The following SIDT1 variants were observed in gnomAD, a reference collection of about 807,000 sequenced individuals.
SIDT1 encodes SID1 transmembrane family member 1.
Under a neutral mutation model 107.5 loss-of-function variants are expected in SIDT1, and 101 were observed. The ratio of observed to expected loss-of-function variants is 0.94; its 90% CI spans 0.80 to 1.11. The LOEUF is 1.11. SIDT1 is among the 50% of genes least tolerant of loss of function. SIDT1 has a pLI of 0.00. For missense variants in SIDT1, 1,076 were observed against 1,058.2 expected (o/e 1.02, Z -0.23); for synonymous variants, 395 against 398.2 (o/e 0.99, Z 0.10).
intron 1 of SIDT1, among the ~76,000 whole-genome samples, chr3:113,551,270 G>T (rs1940197670): frequency 6.6e-6 from 1 of 152,152 alleles, no homozygotes. Context: ...ATTCCTTTGG[G>T]CATATACCCA....
Position 113,593,104 on chromosome 3 carries a change from C to T in SIDT1, c.1045+56C>T, listed in dbSNP as rs888348643. On this transcript the variant is annotated intron_variant, in intron 10 of 24. Coordinates refer to ENST00000264852, the MANE Select transcript of SIDT1 (RefSeq NM_017699.3). Reference sequence around the variant, plus strand: ...TGGTGTCGCATAGTGTGGCAACATCCCATTTCATGCTTCTTTTACCTCTCT... The same window carrying T: ...TGGTGTCGCATAGTGTGGCAACATCTCATTTCATGCTTCTTTTACCTCTCT... 6 of 1,367,338 alleles carry T rather than the reference C, an allele frequency of 4.4e-6. No homozygotes were observed. In the African/African-American group the frequency reaches 8.6e-5, roughly 20 times the overall value. The allele number at this position is 1,367,338 out of a possible 1,614,324, so 84.7% of individuals were successfully genotyped here. A position where few individuals can be genotyped will look rare whatever the true frequency, so the allele number is the denominator to read the frequency against.
At position 113,583,551 on chromosome 3, in the gene SIDT1, G is replaced by A; in HGVS notation, c.835+55G>A. 2.9e-6 allele frequency: 4 copies of A among 1,357,138 alleles called. No homozygotes were observed. The South Asian group carries it at 4.4e-5, about 15-fold the overall frequency. 84.1% of individuals were successfully genotyped at this position (1,357,138 alleles called of 1,614,324 possible). A position where few individuals can be genotyped will look rare whatever the true frequency, so the allele number is the denominator to read the frequency against. ...TTAGCAAAACCTGAAGGAAGGGAGT[G>A]AAAGGGAAGCTGAAACCTCCTTTCT... On this transcript the variant is annotated intron_variant, in intron 7 of 24. Transcript: ENST00000264852.
rs1945806266 is a variant in SIDT1 at position 113,612,204 on chromosome 3, C to G, written c.1966+10C>G. ...GGTCGTTTCAAGATAGGTGAGTCACCTGTTAATTCTATACTAATCACACGA... is the reference window on the plus strand; with the variant it reads ...GGTCGTTTCAAGATAGGTGAGTCACGTGTTAATTCTATACTAATCACACGA... On this transcript the variant is annotated intron_variant, in intron 19 of 24. Coordinates refer to ENST00000264852, the MANE Select transcript of SIDT1 (RefSeq NM_017699.3). 6.4e-7 allele frequency: 1 copy of G among 1,555,326 alleles called. No homozygotes were observed. The highest frequency in any genetic ancestry group is 1.4e-5 in the African/African-American group (1 of 73,776).
In SIDT1 at chr3:113,552,689, G is replaced by A. The variant is rs367785758; in HGVS notation, c.223-13731G>A. On this transcript the variant is annotated intron_variant, in intron 1 of 24. Coordinates refer to ENST00000264852, the MANE Select transcript of SIDT1 (RefSeq NM_017699.3). ...CTAGATATGGTCACCCCTGGACCCC[G>A]CTGCTGTGGACCCTATTGATATCAC... is the stretch of plus-strand genomic sequence containing the variant. Among the ~76,000 whole-genome samples the A allele has an allele frequency of 9.5e-4, 145 of 152,100 alleles. 1 individual carries two copies. The highest frequency in any genetic ancestry group is 3.2e-3 in the African/African-American group (134 of 41,494).
At chr3:113,613,830 C>T (rs1265143197) in intron 19 of SIDT1, among the ~76,000 whole-genome samples, 1 of 152,194 alleles carries the variant, frequency 6.6e-6, no homozygotes, top group Non-Finnish European at 1.5e-5. Flanking sequence ...TGCAATTTTG[C>T]AATGCCAAAT....
chr3:113,572,863 T>C (rs1490659063), intron 3 of SIDT1, among the ~76,000 whole-genome samples: 2 of 152,196 alleles, frequency 1.3e-5, no homozygotes, highest in African/African-American at 2.4e-5. Context: ...ATAGCTCAGC[T>C]ACTATGCTGT....
intron 1 of SIDT1, among the ~76,000 whole-genome samples, chr3:113,563,365 C>A (rs1241699696): frequency 6.6e-6 from 1 of 152,054 alleles, no homozygotes; most frequent in African/African-American, 2.4e-5. Context: ...TAGGATGAAA[C>A]CATAAAATAC....
intron 9 of SIDT1, among the ~76,000 whole-genome samples, chr3:113,591,361 C>A (rs1317179161): frequency 6.6e-6 from 1 of 152,046 alleles, no homozygotes; most frequent in Non-Finnish European, 1.5e-5. Flanking sequence ...GACAATAGTT[C>A]CCAAATTAAT....
At chr3:113,619,170 A>G (rs540456505) in intron 20 of SIDT1, among the ~76,000 whole-genome samples, 1 of 152,238 alleles carries the variant, frequency 6.6e-6, no homozygotes, top group African/African-American at 2.4e-5. Context: ...TCTCCCCTAC[A>G]AGAGTCTATA....
intron 6 of SIDT1, among the ~76,000 whole-genome samples, chr3:113,582,806 T>C (rs374363157): frequency 2.2e-4 from 34 of 152,124 alleles, no homozygotes; most frequent in African/African-American, 8.0e-4. Context: ...AAATAAGCCA[T>C]TTTCTCAGTG....
rs111631190 is a variant in SIDT1, at chr3:113,620,192, A to ATATGTG, written c.2090+467_2090+468insATGTGT. 2.2e-3 allele frequency among the ~76,000 whole-genome samples: 315 copies of ATATGTG among 144,646 alleles called. 3 individuals carry two copies. Among genetic ancestry groups the ATATGTG allele is most frequent in the Admixed American group, 0.017 (243 of 14,506 alleles). 94.9% of individuals were successfully genotyped at this position (144,646 alleles called of 152,430 possible). On this transcript the variant is annotated intron_variant, in intron 21 of 24. Transcript: ENST00000264852. ...TCTGTAGAAATTTTTCTTTTACTAA[A>ATATGTG]TGTGTGTGTGTGTGTGTGTGTGTGT...
intron 3 of SIDT1, among the ~76,000 whole-genome samples, chr3:113,568,616 GAAA>G: frequency 6.7e-6 from 1 of 149,318 alleles, no homozygotes; most frequent in Non-Finnish European, 1.5e-5. Flanking sequence ...GAAAAGAAAA[GAAA>G]AGAAAAGAAA....
rs546411212 is a variant in SIDT1 at position 113,584,984 on chromosome 3, G to A, written c.908-193G>A. Among the ~76,000 whole-genome samples the A allele has an allele frequency of 1.9e-3, 289 of 152,270 alleles. 2 individuals are homozygous for A. Among genetic ancestry groups the A allele is most frequent in the Non-Finnish European group, 3.4e-3 (229 of 68,014 alleles). ...GAAGTCCCTTCCCAGCTTCTACTGG[G>A]AAGTCATCATTGTGAAAGGTAGCTA... is the stretch of plus-strand genomic sequence containing the variant. On this transcript the variant is annotated intron_variant, in intron 8 of 24. Transcript: ENST00000264852.
intron 1 of SIDT1, among the ~76,000 whole-genome samples, chr3:113,543,280 T>G (rs1242639482): frequency 1.3e-5 from 2 of 152,116 alleles, no homozygotes; most frequent in East Asian, 3.8e-4. Flanking sequence ...CCAACACTGT[T>G]CCAGAATGTT....
intron 18 of SIDT1, 83 bp downstream of exon 18, chr3:113,611,227 T>C (rs1176295793): frequency 6.6e-7 from 1 of 1,510,192 alleles, no homozygotes; most frequent in Non-Finnish European, 9.0e-7. Flanking sequence ...AGTGAACGGG[T>C]TTGGATTAAC....
intron 1 of SIDT1, among the ~76,000 whole-genome samples, chr3:113,558,324 A>C (rs1380448737): frequency 1.3e-5 from 2 of 152,210 alleles, no homozygotes; most frequent in Non-Finnish European, 2.9e-5. Flanking sequence ...TCAGCTTAAG[A>C]AATAAAAGGA....
At chr3:113,604,853 C>T (rs1240419877) in intron 13 of SIDT1, 57 bp from the exon 14 acceptor site, 1 of 1,587,006 alleles carries the variant, frequency 6.3e-7, no homozygotes, top group Non-Finnish European at 8.6e-7. Flanking sequence ...AAATATTAAC[C>T]AAAGACTCCA....
chr3:113,583,872 A>G (rs1176768965), intron 7 of SIDT1, among the ~76,000 whole-genome samples: 2 of 152,208 alleles, frequency 1.3e-5, no homozygotes, highest in Non-Finnish European at 2.9e-5. Context: ...CCATGGAGCT[A>G]CTTAATTTAT....
At chr3:113,557,025 G>A (rs546195327) in intron 1 of SIDT1, among the ~76,000 whole-genome samples, 283 of 152,036 alleles carry the variant, frequency 1.9e-3, no homozygotes, top group Non-Finnish European at 3.5e-3. Flanking sequence ...CACCATATTG[G>A]TCAGGCTGGT....
Sources: gnomAD v4.1 joint callset for allele counts (sites outside exome capture counted in the v4.1 genomes callset) on GRCh38, gnomAD v4.1.1 for gene constraint, MANE v1.5 for transcripts, NCBI Gene and HGNC (gene_info 2026-07-23, HGNC 2026-07-21) for gene names.